The following CDS2 variants were observed in gnomAD, a reference collection of about 807,000 sequenced individuals.
CDS2 encodes CDP-diacylglycerol synthase 2, also known as phosphatidate cytidylyltransferase 2.
CDS2 carries 47 observed loss-of-function variants against 59.0 expected under a neutral mutation model. That is an observed-to-expected ratio of 0.80 (90% CI 0.63 to 1.02). The LOEUF (loss-of-function observed/expected upper bound fraction) is 1.02, where lower values mean the gene tolerates loss of function less well. Ranked by LOEUF, CDS2 falls within the 50% of genes least tolerant of loss-of-function variation. CDS2 has a pLI of 0.00. For synonymous variants in CDS2, 207 were observed against 206.4 expected (o/e 1.00, Z -0.02); for missense variants, 356 against 558.9 (o/e 0.64, Z 3.66).
rs6053186 is a variant in CDS2, at chr20:5,188,194, G to A, written c.982-873G>A. Among the ~76,000 whole-genome samples, 1,111 of 152,176 alleles carry A rather than the reference G, an allele frequency of 7.3e-3. 11 individuals carry two copies. Among genetic ancestry groups the A allele is most frequent in the African/African-American group, 0.024 (996 of 41,508 alleles). Reference sequence around the variant, plus strand: ...ATTATTTTCTAAATGGCTGATGCATGGTGTTATATAGTCATGCATGGGTAA... The same window carrying A: ...ATTATTTTCTAAATGGCTGATGCATAGTGTTATATAGTCATGCATGGGTAA... On this transcript the variant is annotated intron_variant, in intron 10 of 12. Coordinates refer to ENST00000460006, the MANE Select transcript of CDS2 (RefSeq NM_003818.4).
At chr20:5,188,050 AC>A (rs904179146) in intron 10 of CDS2, among the ~76,000 whole-genome samples, 5 of 135,212 alleles carry the variant, frequency 3.7e-5, no homozygotes, top group Admixed American at 2.9e-4. Flanking sequence ...ATGATTCTTA[AC>A]GTACGTGTGT....
chr20:5,134,038 CTT>C (rs767883067), intron 1 of CDS2, among the ~76,000 whole-genome samples: 11 of 152,090 alleles, frequency 7.2e-5, no homozygotes, highest in Non-Finnish European at 1.2e-4. Flanking sequence ...TGTGGAGACT[CTT>C]TGCAGAAAAA....
chr20:5,162,226 A>C (rs1254436718), intron 1 of CDS2, among the ~76,000 whole-genome samples: 1 of 152,228 alleles, frequency 6.6e-6, no homozygotes, highest in African/African-American at 2.4e-5. Context: ...TCAAAATCTG[A>C]AACTTTTTGA....
At chr20:5,183,507 A>AT (rs1236321095) in intron 7 of CDS2, among the ~76,000 whole-genome samples, 1 of 152,236 alleles carries the variant, frequency 6.6e-6, no homozygotes, top group East Asian at 1.9e-4. Context: ...CTGACAAAAT[A>AT]TATACTAAAA....
At chr20:5,186,874 T>C in intron 10 of CDS2, 35 bp downstream of exon 10, 1 of 1,611,536 alleles carries the variant, frequency 6.2e-7, no homozygotes, top group Non-Finnish European at 8.5e-7. Flanking sequence ...GCGGCCTCCA[T>C]GGACAGTGGC....
At chr20:5,160,207 A>G (rs1033576025) in intron 1 of CDS2, among the ~76,000 whole-genome samples, 1 of 152,236 alleles carries the variant, frequency 6.6e-6, no homozygotes, top group Non-Finnish European at 1.5e-5. Context: ...GAGAGCCGGC[A>G]TCTCTGCTGA....
chr20:5,149,147 T>A (rs2122988644), intron 1 of CDS2, among the ~76,000 whole-genome samples: 1 of 152,314 alleles, frequency 6.6e-6, no homozygotes, highest in South Asian at 2.1e-4. Flanking sequence ...TCCATTTCCA[T>A]GAGTACTATT....
At chr20:5,175,899 C>T (rs1039587957) in intron 3 of CDS2, among the ~76,000 whole-genome samples, 2 of 152,202 alleles carry the variant, frequency 1.3e-5, no homozygotes, top group Admixed American at 1.3e-4. Context: ...CCTGGGGCCT[C>T]CCTTCTGGGC....
Position 5,183,063 on chromosome 20 carries a change from TGGCTGG to T in CDS2, c.592_597del (p.Gly198_Trp199del). 6.2e-7 allele frequency: 1 copy of T among 1,613,958 alleles called. No individual in the cohort carries two copies. Among genetic ancestry groups the T allele is most frequent in the Non-Finnish European group, 8.5e-7 (1 of 1,179,820 alleles). ...GTTTATTTTTCTTTTTTTTGCAGTT[TGGCTGG>T]ACCCATGTGACATTGCTGATTGTTG... On this transcript the variant is annotated inframe_deletion, in exon 7 of 13. Coordinates refer to ENST00000460006, the MANE Select transcript of CDS2 (RefSeq NM_003818.4).
At chr20:5,145,574 A>C (rs951725061) in intron 1 of CDS2, among the ~76,000 whole-genome samples, 4 of 152,058 alleles carry the variant, frequency 2.6e-5, no homozygotes, top group Non-Finnish European at 5.9e-5. Flanking sequence ...GCCTTCCTGA[A>C]GTACACTCTT....
In CDS2 at chr20:5,173,504, C is replaced by T. The variant is rs1338656931; in HGVS notation, c.58-19C>T. On this transcript the variant is annotated intron_variant, in intron 1 of 12. Coordinates refer to ENST00000460006, the MANE Select transcript of CDS2 (RefSeq NM_003818.4). ...TCGGCACTTTTGACCTTTTTCTCTT[C>T]TGTATTTCTGCCACTTAGGAGTCAG... The T allele has an allele frequency of 6.2e-7, 1 of 1,613,570 alleles. No individual in the cohort carries two copies. The highest frequency in any genetic ancestry group is 1.3e-5 in the African/African-American group (1 of 74,924).
intron 1 of CDS2, among the ~76,000 whole-genome samples, chr20:5,155,991 C>T (rs1034972731): frequency 1.3e-5 from 2 of 151,814 alleles, no homozygotes; most frequent in Non-Finnish European, 1.5e-5. Flanking sequence ...TGGAGGACCT[C>T]GAATGGGAAC....
At chr20:5,185,929 C>A in intron 9 of CDS2, 103 bp downstream of exon 9, 1 of 1,100,890 alleles carries the variant, frequency 9.1e-7, no homozygotes. Flanking sequence ...GAGGCCAGGA[C>A]TGTCCTGCTG....
chr20:5,197,536 G>A lies in CDS2; in HGVS notation c.*7302G>A, dbSNP rs571154685. 2.0e-5 allele frequency: 3 copies of A among 152,074 alleles called. No individual in the cohort carries two copies. In the South Asian group the frequency reaches 6.2e-4, roughly 32 times the overall value. 9.4% of individuals were successfully genotyped at this position (152,074 alleles called of 1,614,324 possible). ...CCTTTGTAAAGTGGATGGACATGATGGAATTCAGTTGTCTCACCCTGATAG... is the reference window on the plus strand; with the variant it reads ...CCTTTGTAAAGTGGATGGACATGATAGAATTCAGTTGTCTCACCCTGATAG... On this transcript the variant is annotated 3_prime_UTR_variant, in exon 13 of 13. Coordinates refer to ENST00000460006, the MANE Select transcript of CDS2 (RefSeq NM_003818.4).
Position 5,185,410 on chromosome 20 carries a change from G to A in CDS2, c.760-348G>A, listed in dbSNP as rs188416457. On this transcript the variant is annotated intron_variant, in intron 8 of 12. Coordinates refer to ENST00000460006, the MANE Select transcript of CDS2 (RefSeq NM_003818.4). ...ACTATACTCCAGCCTGGGTGATGGG[G>A]CAAGATCGTGTCTTGAAAAAAGAAA... Among the ~76,000 whole-genome samples the A allele has an allele frequency of 1.9e-4, 29 of 152,266 alleles. No homozygotes were observed. In the East Asian group the frequency reaches 4.8e-3, roughly 25 times the overall value.
chr20:5,183,066 C>A lies in CDS2; in HGVS notation c.594C>A (p.Gly198=). The change falls in exon 7 of 13, where the codon GGC becomes GGA. Residue 198 remains glycine (G), a synonymous_variant. Coordinates refer to ENST00000460006, the MANE Select transcript of CDS2 (RefSeq NM_003818.4). ...TATTTTTCTTTTTTTTGCAGTTTGG[C>A]TGGACCCATGTGACATTGCTGATTG... ...KHYRLQFYMF[G]WTHVTLLIVV... 6.2e-7 allele frequency: 1 copy of A among 1,613,782 alleles called. No individual in the cohort carries two copies. Among genetic ancestry groups the A allele is most frequent in the Non-Finnish European group, 8.5e-7 (1 of 1,179,724 alleles).
In CDS2 at chr20:5,185,746, C is replaced by T. The variant is rs530048604; in HGVS notation, c.760-12C>T. The stretch of plus-strand genomic sequence containing the variant: ...AAACACCCTTTGCTGAGAACTTGCT[C>T]TCTGTCCACAGCTGTCCCCGAAGAA... On this transcript the variant is annotated splice_polypyrimidine_tract_variant and intron_variant, in intron 8 of 12. Transcript: ENST00000460006. 22 of 1,613,710 alleles carry T rather than the reference C, an allele frequency of 1.4e-5. No homozygotes were observed. The highest frequency in any genetic ancestry group is 1.3e-4 in the South Asian group (12 of 91,072).
At position 5,195,492 on chromosome 20, in the gene CDS2, G is replaced by A. The variant is rs909483985; in HGVS notation, c.*5258G>A. ...CCTCTGCCCACAGTCTGGACTGCTTGTGGGAAGGCCATCTCCTCCTGTCTG... is the reference window on the plus strand; with the variant it reads ...CCTCTGCCCACAGTCTGGACTGCTTATGGGAAGGCCATCTCCTCCTGTCTG... On this transcript the variant is annotated 3_prime_UTR_variant, in exon 13 of 13. Transcript: ENST00000460006. 1 of 152,202 alleles carries A rather than the reference G, an allele frequency of 6.6e-6. No individual in the cohort carries two copies. Among genetic ancestry groups the A allele is most frequent in the African/African-American group, 2.4e-5 (1 of 41,422 alleles). 9.4% of individuals were successfully genotyped at this position (152,202 alleles called of 1,614,324 possible). A position where few individuals can be genotyped will look rare whatever the true frequency, so the allele number is the denominator to read the frequency against.
chr20:5,189,290 C>A, intron 11 of CDS2, 104 bp downstream of exon 11: 2 of 1,306,280 alleles, frequency 1.5e-6, no homozygotes, highest in Non-Finnish European at 2.2e-6. Flanking sequence ...TACACCCTGG[C>A]ATTTAATGTG....
Sources: gnomAD v4.1 joint callset for allele counts (sites outside exome capture counted in the v4.1 genomes callset) on GRCh38, gnomAD v4.1.1 for gene constraint, MANE v1.5 for transcripts, NCBI Gene and HGNC (gene_info 2026-07-23, HGNC 2026-07-21) for gene names.